The following GAREM1 variants were observed in gnomAD, a reference collection of about 807,000 sequenced individuals.
GAREM1 encodes GRB2-associated and regulator of MAPK protein 1.
Under a neutral mutation model 71.3 loss-of-function variants are expected in GAREM1, and 26 were observed. The ratio of observed to expected loss-of-function variants is 0.36; its 90% CI spans 0.27 to 0.51. The LOEUF (loss-of-function observed/expected upper bound fraction) is 0.51. GAREM1 is among the 20% of genes least tolerant of loss of function. GAREM1 has a pLI of 0.95. For synonymous variants in GAREM1, 440 were observed against 433.2 expected (o/e 1.02, Z -0.20); for missense variants, 1,026 against 1,103.1 (o/e 0.93, Z 0.99).
At chr18:32,356,926 T>C (rs774912511) in intron 2 of GAREM1, among the ~76,000 whole-genome samples, 3 of 152,118 alleles carry the variant, frequency 2.0e-5, no homozygotes, top group Non-Finnish European at 4.4e-5. Flanking sequence ...TGGCTTTCCA[T>C]TGTATGTATA....
intron 1 of GAREM1, among the ~76,000 whole-genome samples, chr18:32,395,463 T>C (rs937564334): frequency 6.6e-6 from 1 of 152,116 alleles, no homozygotes; most frequent in Non-Finnish European, 1.5e-5. Context: ...GGGGAAGTAA[T>C]GGGTAAGAAG....
chr18:32,283,721 G>A (rs113703276), intron 4 of GAREM1, among the ~76,000 whole-genome samples: 3 of 152,200 alleles, frequency 2.0e-5, no homozygotes, highest in Middle Eastern at 3.4e-3. Context: ...GGGATTAAAC[G>A]GATGACTCTG....
chr18:32,387,353 G>C (rs1450527126), intron 2 of GAREM1, among the ~76,000 whole-genome samples: 8 of 152,268 alleles, frequency 5.3e-5, no homozygotes, highest in Admixed American at 3.9e-4. Flanking sequence ...GTCTGACACA[G>C]GTCCAGGCAG....
At chr18:32,276,946 C>A (rs76486750) in intron 4 of GAREM1, among the ~76,000 whole-genome samples, 1 of 152,260 alleles carries the variant, frequency 6.6e-6, no homozygotes, top group Non-Finnish European at 1.5e-5. Context: ...CAGAATCATG[C>A]CTGAATGGCG....
chr18:32,356,107 A>T (rs1408201560), intron 2 of GAREM1, among the ~76,000 whole-genome samples: 4 of 152,204 alleles, frequency 2.6e-5, no homozygotes, highest in Non-Finnish European at 5.9e-5. Flanking sequence ...GTTTGTTTTA[A>T]GGAGCAAAAT....
chr18:32,328,142 C>T (rs1043792137), intron 2 of GAREM1, among the ~76,000 whole-genome samples: 1 of 152,102 alleles, frequency 6.6e-6, no homozygotes, highest in Admixed American at 6.5e-5. Flanking sequence ...GTATGAAGTG[C>T]TAAGGATATT....
In GAREM1 at chr18:32,470,556, G is replaced by T; in HGVS notation, c.-128C>A. ...GAGGCGCCGGGCAGCTCCGGCCGCGGGCAGCCGGGGGGGCGCGGCGACTGG... is the reference window on the plus strand; with the variant it reads ...GAGGCGCCGGGCAGCTCCGGCCGCGTGCAGCCGGGGGGGCGCGGCGACTGG... On this transcript the variant is annotated 5_prime_UTR_variant, in exon 1 of 6. Coordinates refer to ENST00000269209, the MANE Select transcript of GAREM1 (RefSeq NM_001242409.2). This position sits in a 1 kb window ranked among gnomAD's most constrained non-coding sequence, Gnocchi z 4.4. 1.7e-6 allele frequency: 1 copy of T among 597,292 alleles called. No individual in the cohort carries two copies. Among genetic ancestry groups the T allele is most frequent in the Non-Finnish European group, 2.1e-6 (1 of 477,960 alleles). 37.0% of individuals were successfully genotyped at this position (597,292 alleles called of 1,614,324 possible). A position where few individuals can be genotyped will look rare whatever the true frequency, so the allele number is the denominator to read the frequency against.
At chr18:32,319,305 GT>G (rs2047408505) in intron 2 of GAREM1, among the ~76,000 whole-genome samples, 1 of 152,166 alleles carries the variant, frequency 6.6e-6, no homozygotes, top group Non-Finnish European at 1.5e-5. Flanking sequence ...ATAAACCTGG[GT>G]AGGAATGTGG....
chr18:32,426,872 A>G (rs1445928651), intron 1 of GAREM1, among the ~76,000 whole-genome samples: 2 of 152,206 alleles, frequency 1.3e-5, no homozygotes, highest in Non-Finnish European at 2.9e-5. Context: ...TATATTTTTT[A>G]AAAAGATGAT....
At chr18:32,320,044 G>A (rs78939049) in intron 2 of GAREM1, among the ~76,000 whole-genome samples, 7,210 of 152,264 alleles carry the variant, frequency 0.047, 197 homozygotes, top group Non-Finnish European at 0.068. Context: ...GAATTGCTGA[G>A]CCAAAGGGTA....
intron 1 of GAREM1, among the ~76,000 whole-genome samples, chr18:32,406,452 A>G (rs1599025190): frequency 6.6e-6 from 1 of 152,206 alleles, no homozygotes; most frequent in South Asian, 2.1e-4. Flanking sequence ...GTCCCGATGG[A>G]CTATAATCAA....
chr18:32,345,737 T>G (rs1407544025), intron 2 of GAREM1, among the ~76,000 whole-genome samples: 1 of 152,218 alleles, frequency 6.6e-6, no homozygotes, highest in African/African-American at 2.4e-5. Flanking sequence ...TGGGGCAACT[T>G]GACCTGGATC....
At chr18:32,357,489 T>G (rs536102909) in intron 2 of GAREM1, among the ~76,000 whole-genome samples, 1 of 152,280 alleles carries the variant, frequency 6.6e-6, no homozygotes, top group South Asian at 2.1e-4. Flanking sequence ...AGACACTTGA[T>G]TTGTGTTCAG....
At chr18:32,273,402 T>A (rs1394187124) in intron 4 of GAREM1, among the ~76,000 whole-genome samples, 1 of 152,198 alleles carries the variant, frequency 6.6e-6, no homozygotes, top group Non-Finnish European at 1.5e-5. Flanking sequence ...TGTAGTTGAA[T>A]TTGACCTAAA....
At chr18:32,329,703 T>TAAAAAAAAAAAA (rs756082703) in intron 2 of GAREM1, among the ~76,000 whole-genome samples, 4 of 78,154 alleles carry the variant, frequency 5.1e-5, no homozygotes, top group African/African-American at 2.3e-4. Context: ...GAGACTCCAT[T>TAAAAAAAAAAAA]AAAAAAAAAA....
At chr18:32,375,585 G>A (rs984402377) in intron 2 of GAREM1, among the ~76,000 whole-genome samples, 1 of 152,076 alleles carries the variant, frequency 6.6e-6, no homozygotes, top group African/African-American at 2.4e-5. Context: ...CTTGACTTAG[G>A]TCTCACACAG....
At chr18:32,376,878 CA>C (rs1216635753) in intron 2 of GAREM1, among the ~76,000 whole-genome samples, 1 of 151,922 alleles carries the variant, frequency 6.6e-6, no homozygotes, top group Non-Finnish European at 1.5e-5. Context: ...AATAAATAAA[CA>C]AAAAACAAAA....
At chr18:32,441,787 G>A (rs1054795543) in intron 1 of GAREM1, among the ~76,000 whole-genome samples, 14 of 152,136 alleles carry the variant, frequency 9.2e-5, no homozygotes, top group Non-Finnish European at 1.0e-4. Context: ...AAAGAAAAGT[G>A]CTCTTAGAGT....
intron 2 of GAREM1, among the ~76,000 whole-genome samples, chr18:32,346,337 T>C (rs2047696479): frequency 6.6e-6 from 1 of 152,164 alleles, no homozygotes; most frequent in Admixed American, 6.5e-5. Flanking sequence ...TACAAATATT[T>C]CAAGATACTC....
Sources: allele counts gnomAD v4.1 joint callset (sites outside exome capture counted in the v4.1 genomes callset), GRCh38; gene constraint gnomAD v4.1.1; non-coding constraint Gnocchi (gnomAD v3.1); transcripts MANE v1.5; gene names NCBI Gene and HGNC (gene_info 2026-07-23, HGNC 2026-07-21).